The following ZNF26 variants were observed in gnomAD, a reference collection of about 807,000 sequenced individuals.
The protein encoded by ZNF26 is zinc finger protein 26.
In ZNF26, 32 loss-of-function variants were observed where a neutral mutation model predicts 54.9. The ratio of observed to expected loss-of-function variants is 0.58; its 90% confidence interval spans 0.44 to 0.78. The LOEUF (loss-of-function observed/expected upper bound fraction) is 0.78, where lower values mean the gene tolerates loss of function less well. ZNF26 is among the 30% of genes least tolerant of loss of function. The probability of loss-of-function intolerance (pLI) is 0.00; values close to 1 mark genes in which losing one functional copy is unlikely to be tolerated. For missense variants in ZNF26, 524 were observed against 634.0 expected (o/e 0.83, Z 1.86); for synonymous variants, 221 against 209.2 (o/e 1.06, Z -0.49).
In ZNF26 at chr12:133,026,219, GC is replaced by G. The variant is rs1953703220; in HGVS notation, c.*14740del. The G allele has an allele frequency of 6.6e-6, 1 of 151,416 alleles. No homozygotes were observed. The highest frequency in any genetic ancestry group is 1.5e-5 in the Non-Finnish European group (1 of 67,954). 9.4% of individuals were successfully genotyped at this position (151,416 alleles called of 1,614,324 possible). ...TGGGTTCAAGCAGTTCTCTGCCTCA[GC>G]CTCCCAAGTAGCTGGGATTACAGGT... On this transcript the variant is annotated 3_prime_UTR_variant, in exon 4 of 4. Transcript: ENST00000328654.
Position 133,011,075 on chromosome 12 carries a change from G to A in ZNF26, c.1196G>A (p.Gly399Glu). Residue 399 changes from glycine (G) to glutamate (E), a missense_variant, in exon 4 of 4, where the codon GGA becomes GAA. Gly to Glu is a moderately conservative substitution (Grantham distance 98, BLOSUM62 -2). Transcript: ENST00000328654. ...LRAHAGEKPY[G>E]CSECGKAFSS... The stretch of plus-strand genomic sequence containing the variant: ...GCTCATGCAGGAGAGAAGCCCTATG[G>A]ATGCAGTGAATGTGGGAAGGCTTTC... 6.2e-6 allele frequency: 10 copies of A among 1,613,686 alleles called. No homozygotes were observed. The highest frequency in any genetic ancestry group is 8.5e-6 in the Non-Finnish European group (10 of 1,179,892).
chr12:133,011,294 A>G lies in ZNF26; in HGVS notation c.1415A>G (p.His472Arg). ...CCTAGGAAGGCATCACTTCAGATAC[A>G]CCAGAAAACTCATTCGGGAGAGAAA... Reference protein sequence around the residue: ...AYPRKASLQIHQKTHSGEKPF... With the variant: ...AYPRKASLQIRQKTHSGEKPF... Residue 472 changes from histidine (H) to arginine (R), a missense_variant, in exon 4 of 4, where the codon CAC becomes CGC. By Grantham distance (29) the His-to-Arg change is conservative (BLOSUM62 0). Transcript: ENST00000328654. The G allele has an allele frequency of 6.2e-7, 1 of 1,614,024 alleles. No individual in the cohort carries two copies.
chr12:132,990,144 T>C (rs956491664), intron 1 of ZNF26, among the ~76,000 whole-genome samples: 1 of 152,044 alleles, frequency 6.6e-6, no homozygotes, highest in Non-Finnish European at 1.5e-5. Context: ...ACAAAATAGC[T>C]GGGCGTGGTG....
At chr12:133,007,390 T>C in intron 2 of ZNF26, 47 bp from the exon 3 acceptor site, 1 of 1,523,290 alleles carries the variant, frequency 6.6e-7, no homozygotes, top group Non-Finnish European at 9.0e-7. Flanking sequence ...TCCTCGGTCC[T>C]GTCCCTAACA....
chr12:132,998,952 A>G (rs1454428343), intron 1 of ZNF26, among the ~76,000 whole-genome samples: 4 of 152,216 alleles, frequency 2.6e-5, no homozygotes, highest in Non-Finnish European at 5.9e-5. Context: ...CACAAAACAT[A>G]CTTTACCCAA....
chr12:133,011,083 G>A lies in ZNF26; in HGVS notation c.1204G>A (p.Glu402Lys), dbSNP rs1953461638. 1.2e-6 allele frequency: 2 copies of A among 1,614,054 alleles called. No homozygotes were observed. The highest frequency in any genetic ancestry group is 1.7e-6 in the Non-Finnish European group (2 of 1,180,028). The change falls in exon 4 of 4, where the codon GAA becomes AAA. Residue 402 changes from glutamate (E) to lysine (K), a missense_variant. Coordinates refer to ENST00000328654, the MANE Select transcript of ZNF26 (RefSeq NM_019591.4). The part of the protein sequence containing the change: ...HAGEKPYGCS[E>K]CGKAFSSKSY... ...AGGAGAGAAGCCCTATGGATGCAGT[G>A]AATGTGGGAAGGCTTTCAGCAGCAA...
In ZNF26 at chr12:133,023,548, C is replaced by T. The variant is rs796416823; in HGVS notation, c.*12067C>T. On this transcript the variant is annotated 3_prime_UTR_variant, in exon 4 of 4. Transcript: ENST00000328654. ...GAGTAAATGAAATCCAGGTCTCTTT[C>T]GCCATACATTTGTATATGAGGTTGA... The T allele has an allele frequency of 1.0e-3, 154 of 152,262 alleles. No homozygotes were observed. The highest frequency in any genetic ancestry group is 3.4e-3 in the African/African-American group (143 of 41,548). The allele number at this position is 152,262 out of a possible 1,614,324, so 9.4% of individuals were successfully genotyped here.
In ZNF26 at chr12:133,024,404, A is replaced by G. The variant is rs1953677019; in HGVS notation, c.*12923A>G. ...CTGTCACCTAATGTAAATGGAAAATAGAAGATGTACCTCATGACCTCAGTG... is the reference window on the plus strand; with the variant it reads ...CTGTCACCTAATGTAAATGGAAAATGGAAGATGTACCTCATGACCTCAGTG... On this transcript the variant is annotated 3_prime_UTR_variant, in exon 4 of 4. Coordinates refer to ENST00000328654, the MANE Select transcript of ZNF26 (RefSeq NM_019591.4). 1 of 152,234 alleles carries G rather than the reference A, an allele frequency of 6.6e-6. No homozygotes were observed. The highest frequency in any genetic ancestry group is 1.5e-5 in the Non-Finnish European group (1 of 68,032). The allele number at this position is 152,234 out of a possible 1,614,324, so 9.4% of individuals were successfully genotyped here.
chr12:132,986,712 CG>C lies in ZNF26; in HGVS notation c.-127del. 1 of 990,946 alleles carries C rather than the reference CG, an allele frequency of 1.0e-6. No homozygotes were observed. The highest frequency in any genetic ancestry group is 1.5e-6 in the Non-Finnish European group (1 of 679,312). The allele number at this position is 990,946 out of a possible 1,614,324, so 61.4% of individuals were successfully genotyped here. A position where few individuals can be genotyped will look rare whatever the true frequency, so the allele number is the denominator to read the frequency against. On this transcript the variant is annotated 5_prime_UTR_variant, in exon 1 of 4. Coordinates refer to ENST00000328654, the MANE Select transcript of ZNF26 (RefSeq NM_019591.4). ...GGAGCCGGCGTCCCTGCCAACGACT[CG>C]GCCCCGGGACGGTCAGGAGCCTGGG...
rs1164262447 is a variant in ZNF26, at chr12:133,017,335, C to G, written c.*5854C>G. 6.6e-6 allele frequency: 1 copy of G among 152,166 alleles called. No homozygotes were observed. Among genetic ancestry groups the G allele is most frequent in the Non-Finnish European group, 1.5e-5 (1 of 68,032 alleles). The allele number at this position is 152,166 out of a possible 1,614,324, so 9.4% of individuals were successfully genotyped here. On this transcript the variant is annotated 3_prime_UTR_variant, in exon 4 of 4. Transcript: ENST00000328654. ...ATCTATTGGTCACACCTTATGCTTACCCCACCACCTAGAAGCGGCTGGTGT... is the reference window on the plus strand; with the variant it reads ...ATCTATTGGTCACACCTTATGCTTAGCCCACCACCTAGAAGCGGCTGGTGT...
Position 133,011,583 on chromosome 12 carries a change from A to G in ZNF26, c.*102A>G. On this transcript the variant is annotated 3_prime_UTR_variant, in exon 4 of 4. Transcript: ENST00000328654. ...GGCCCTAAAATTACACTCATGTCAA[A>G]AATCAGAGAGGAGAGAGACCAACCA... The G allele has an allele frequency of 7.9e-7, 1 of 1,263,930 alleles. No homozygotes were observed. Among genetic ancestry groups the G allele is most frequent in the Non-Finnish European group, 1.1e-6 (1 of 946,992 alleles). The allele number at this position is 1,263,930 out of a possible 1,614,324, so 78.3% of individuals were successfully genotyped here. A position where few individuals can be genotyped will look rare whatever the true frequency, so the allele number is the denominator to read the frequency against.
intron 3 of ZNF26, among the ~76,000 whole-genome samples, chr12:133,008,683 G>A (rs1414723439): frequency 6.6e-6 from 1 of 151,044 alleles, no homozygotes; most frequent in African/African-American, 2.4e-5. Flanking sequence ...GGCTGAGGCA[G>A]GAGAATGGTG....
intron 1 of ZNF26, among the ~76,000 whole-genome samples, chr12:132,997,185 C>G (rs992504019): frequency 9.9e-5 from 15 of 152,170 alleles, no homozygotes; most frequent in South Asian, 4.1e-4. Context: ...AGAGGCCTTC[C>G]CAGAACAGGG....
rs1258797802 is a variant in ZNF26 at position 133,013,159 on chromosome 12, G to A, written c.*1678G>A. 6.6e-6 allele frequency: 1 copy of A among 152,210 alleles called. No homozygotes were observed. The highest frequency in any genetic ancestry group is 1.5e-5 in the Non-Finnish European group (1 of 68,028). The allele number at this position is 152,210 out of a possible 1,614,324, so 9.4% of individuals were successfully genotyped here. On this transcript the variant is annotated 3_prime_UTR_variant, in exon 4 of 4. Transcript: ENST00000328654. Reference sequence around the variant, plus strand: ...ATTTTAAATTTATGAGAAAATCTGAGACAGGGGCAGAGATGGCTGATTTTG... The same window carrying A: ...ATTTTAAATTTATGAGAAAATCTGAAACAGGGGCAGAGATGGCTGATTTTG...
intron 1 of ZNF26, among the ~76,000 whole-genome samples, chr12:132,997,028 G>C (rs1177231380): frequency 1.3e-5 from 2 of 152,230 alleles, no homozygotes; most frequent in Non-Finnish European, 2.9e-5. Context: ...CCCAGACCCA[G>C]TGCTTCTAGA....
At position 133,021,554 on chromosome 12, in the gene ZNF26, T is replaced by TCAGGAA. The variant is rs1953642313; in HGVS notation, c.*10073_*10074insCAGGAA. On this transcript the variant is annotated 3_prime_UTR_variant, in exon 4 of 4. Coordinates refer to ENST00000328654, the MANE Select transcript of ZNF26 (RefSeq NM_019591.4). ...GCCGAGGCGGGTGGATCACCTGAGG[T>TCAGGAA]TGGGCGTTTGAGAACAACCTGGCCA... 2 of 151,346 alleles carry TCAGGAA rather than the reference T, an allele frequency of 1.3e-5. No homozygotes were observed. 9.4% of individuals were successfully genotyped at this position (151,346 alleles called of 1,614,324 possible). A position where few individuals can be genotyped will look rare whatever the true frequency, so the allele number is the denominator to read the frequency against.
rs1263883726 is a variant in ZNF26 at position 133,016,655 on chromosome 12, G to A, written c.*5174G>A. Reference sequence around the variant, plus strand: ...AAATACCCCGGGATGGTGGCTTAGGGCTGTGGTCCCAGCTACTCTGGAGGC... The same window carrying A: ...AAATACCCCGGGATGGTGGCTTAGGACTGTGGTCCCAGCTACTCTGGAGGC... On this transcript the variant is annotated 3_prime_UTR_variant, in exon 4 of 4. Transcript: ENST00000328654. 1 of 151,568 alleles carries A rather than the reference G, an allele frequency of 6.6e-6. No individual in the cohort carries two copies. The highest frequency in any genetic ancestry group is 1.9e-4 in the East Asian group (1 of 5,140). 9.4% of individuals were successfully genotyped at this position (151,568 alleles called of 1,614,324 possible).
chr12:132,999,730 G>C (rs1225345497), intron 1 of ZNF26, among the ~76,000 whole-genome samples: 1 of 151,782 alleles, frequency 6.6e-6, no homozygotes, highest in Non-Finnish European at 1.5e-5. Flanking sequence ...TCTCGCCCTT[G>C]TTGCCCAGGC....
chr12:133,012,221 C>T lies in ZNF26; in HGVS notation c.*740C>T, dbSNP rs1297178212. 1 of 152,040 alleles carries T rather than the reference C, an allele frequency of 6.6e-6. No homozygotes were observed. Among genetic ancestry groups the T allele is most frequent in the Non-Finnish European group, 1.5e-5 (1 of 68,026 alleles). The allele number at this position is 152,040 out of a possible 1,614,324, so 9.4% of individuals were successfully genotyped here. A position where few individuals can be genotyped will look rare whatever the true frequency, so the allele number is the denominator to read the frequency against. On this transcript the variant is annotated 3_prime_UTR_variant, in exon 4 of 4. Coordinates refer to ENST00000328654, the MANE Select transcript of ZNF26 (RefSeq NM_019591.4). ...ATTTTGCAGTTCCATGCCTGTTGTCCATTGATTGACATGAGCACCCCTGTT... is the reference window on the plus strand; with the variant it reads ...ATTTTGCAGTTCCATGCCTGTTGTCTATTGATTGACATGAGCACCCCTGTT...
Sources: gnomAD v4.1 joint callset for allele counts (sites outside exome capture counted in the v4.1 genomes callset) on GRCh38, gnomAD v4.1.1 for gene constraint, MANE v1.5 for transcripts, NCBI Gene and HGNC (gene_info 2026-07-23, HGNC 2026-07-21) for gene names.